ATP9A: variants seen among roughly 807,000 people sequenced by gnomAD.
ATP9A encodes the protein probable phospholipid-transporting ATPase IIA.
A neutral mutation model predicts 144.1 loss-of-function variants in ATP9A; 52 were observed. The ratio of observed to expected loss-of-function variants is 0.36; its 90% confidence interval spans 0.29 to 0.45. The LOEUF (loss-of-function observed/expected upper bound fraction) is 0.45. ATP9A is among the 20% of genes least tolerant of loss of function. The pLI, the probability that ATP9A is intolerant of heterozygous loss-of-function variation, is 1.00. For missense variants in ATP9A, 947 were observed against 1,392.7 expected, an observed-to-expected ratio of 0.68 and a Z score of 5.09; for synonymous variants, 582 against 557.4, an observed-to-expected ratio of 1.04 and a Z score of -0.62.
chr20:51,644,373 T>C (rs2122753983), intron 14 of ATP9A, among the ~76,000 whole-genome samples: 2 of 147,956 alleles, frequency 1.4e-5, no homozygotes, highest in Admixed American at 1.4e-4. Context: ...CCTGGGTTCA[T>C]GCCATTCTCC....
intron 1 of ATP9A, among the ~76,000 whole-genome samples, chr20:51,755,253 T>C (rs2077850814): frequency 6.6e-6 from 1 of 151,548 alleles, no homozygotes; most frequent in South Asian, 2.1e-4. Context: ...CTGACCAACA[T>C]GGTAAAACCC....
chr20:51,746,154 G>T (rs1364033303), intron 1 of ATP9A, among the ~76,000 whole-genome samples: 1 of 152,152 alleles, frequency 6.6e-6, no homozygotes, highest in Non-Finnish European at 1.5e-5. Flanking sequence ...AAGAAGGGAA[G>T]AAGAGACACT....
chr20:51,616,547 G>A (rs2077203634), intron 22 of ATP9A, among the ~76,000 whole-genome samples: 1 of 152,142 alleles, frequency 6.6e-6, no homozygotes, highest in Admixed American at 6.5e-5. Flanking sequence ...TCGAACTCCT[G>A]AGCTCAAGTG....
intron 13 of ATP9A, among the ~76,000 whole-genome samples, chr20:51,662,601 T>C (rs1017484394): frequency 6.6e-6 from 1 of 152,052 alleles, no homozygotes; most frequent in African/African-American, 2.4e-5. Flanking sequence ...TTTATTTTTT[T>C]TTTGGCACCC....
chr20:51,762,755 G>A (rs188455052), intron 1 of ATP9A, among the ~76,000 whole-genome samples: 32 of 142,088 alleles, frequency 2.3e-4, no homozygotes, highest in East Asian at 1.8e-3. Flanking sequence ...TGTTGCCGAG[G>A]CTGGAGTGCA....
intron 13 of ATP9A, among the ~76,000 whole-genome samples, chr20:51,658,316 G>T (rs1601087110): frequency 6.6e-6 from 1 of 152,040 alleles, no homozygotes; most frequent in Non-Finnish European, 1.5e-5. Flanking sequence ...AAAATTAGCT[G>T]GGTGTGGTGG....
intron 13 of ATP9A, among the ~76,000 whole-genome samples, chr20:51,661,816 T>C (rs895410802): frequency 1.3e-5 from 2 of 151,988 alleles, no homozygotes; most frequent in East Asian, 1.9e-4. Context: ...TCCAAATGAA[T>C]CAGCTGAGCC....
At chr20:51,604,773 T>G (rs2077156619) in intron 27 of ATP9A, 44 bp downstream of exon 27, 1 of 1,422,098 alleles carries the variant, frequency 7.0e-7, no homozygotes, top group Non-Finnish European at 9.3e-7. Flanking sequence ...TGGGCCAGAT[T>G]CACTGGGGGT....
rs565312088 is a variant in ATP9A, at chr20:51,596,983, G to A, written c.*4228C>T. 1 of 152,306 alleles carries A rather than the reference G, an allele frequency of 6.6e-6. No individual in the cohort carries two copies. The highest frequency in any genetic ancestry group is 6.5e-5 in the Admixed American group (1 of 15,302). 9.4% of individuals were successfully genotyped at this position (152,306 alleles called of 1,614,324 possible). A position where few individuals can be genotyped will look rare whatever the true frequency, so the allele number is the denominator to read the frequency against. On this transcript the variant is annotated 3_prime_UTR_variant, in exon 28 of 28. Transcript: ENST00000338821. Reference sequence around the variant, plus strand: ...CGCTGTCCTGGTGAAAATTTGCAATGAGGATTACAGAGAGAGAGATCAACC... The same window carrying A: ...CGCTGTCCTGGTGAAAATTTGCAATAAGGATTACAGAGAGAGAGATCAACC...
intron 1 of ATP9A, among the ~76,000 whole-genome samples, chr20:51,735,346 A>T (rs1183365218): frequency 7.8e-6 from 1 of 128,184 alleles, no homozygotes; most frequent in African/African-American, 3.2e-5. Context: ...ATGAGCACAG[A>T]CAATCTCCAC....
intron 7 of ATP9A, among the ~76,000 whole-genome samples, chr20:51,692,393 CA>C (rs1350606402): frequency 1.3e-5 from 2 of 152,220 alleles, no homozygotes; most frequent in African/African-American, 2.4e-5. Flanking sequence ...CAGGCACAGT[CA>C]GGGGGAGCAG....
intron 15 of ATP9A, among the ~76,000 whole-genome samples, chr20:51,634,188 T>C (rs764818898): frequency 6.6e-6 from 1 of 152,182 alleles, no homozygotes; most frequent in Non-Finnish European, 1.5e-5. Flanking sequence ...ATTCACTTCT[T>C]CTAGGATGGC....
chr20:51,637,591 A>C (rs941643582), intron 15 of ATP9A, among the ~76,000 whole-genome samples: 1 of 152,120 alleles, frequency 6.6e-6, no homozygotes, highest in African/African-American at 2.4e-5. Flanking sequence ...GCTGAAGGAG[A>C]AGTTCACAAG....
chr20:51,725,927 C>T lies in ATP9A; in HGVS notation c.219G>A (p.Leu73=). 1 of 1,592,504 alleles carries T rather than the reference C, an allele frequency of 6.3e-7. No individual in the cohort carries two copies. The highest frequency in any genetic ancestry group is 2.2e-5 in the East Asian group (1 of 44,762). ...TGAAAAAGTATTTGAACTGGTTGAA[C>T]AGCACCTGGAATGGAGGGAGACAAC... ...YNFFTFLPGV[L]FNQFKYFFNL... Residue 73 remains leucine, a synonymous_variant, in exon 3 of 28, where the codon CTG becomes CTA. Transcript: ENST00000338821.
At chr20:51,671,748 A>AGCC (rs1461669913) in intron 11 of ATP9A, among the ~76,000 whole-genome samples, 1 of 151,814 alleles carries the variant, frequency 6.6e-6, no homozygotes, top group African/African-American at 2.4e-5. Context: ...CACCAACCCT[A>AGCC]GCCCTGGCAG....
chr20:51,756,539 C>T (rs570958109), intron 1 of ATP9A, among the ~76,000 whole-genome samples: 7 of 152,230 alleles, frequency 4.6e-5, no homozygotes, highest in African/African-American at 1.7e-4. Context: ...GATCCACCTG[C>T]CTCAGCCTCC....
intron 9 of ATP9A, among the ~76,000 whole-genome samples, chr20:51,685,926 T>C (rs1232608035): frequency 1.3e-5 from 2 of 152,202 alleles, no homozygotes; most frequent in Admixed American, 6.5e-5. Context: ...CGTATGTTTA[T>C]TGCGGCACTA....
Position 51,639,369 on chromosome 20 carries a change from T to C in ATP9A, c.1642A>G (p.Ser548Gly). The C allele has an allele frequency of 6.2e-7, 1 of 1,613,888 alleles. No homozygotes were observed. The highest frequency in any genetic ancestry group is 1.1e-5 in the South Asian group (1 of 91,030). Reference sequence around the variant, plus strand: ...CGCACGATGATGCCCATACGTTTGCTTTCATAGGTGAAAGGGAAGATCTGT... The same window carrying C: ...CGCACGATGATGCCCATACGTTTGCCTTCATAGGTGAAAGGGAAGATCTGT... ...ILQIFPFTYE[S>G]KRMGIIVRDE... is the part of the protein sequence containing the mutation. Residue 548 changes from serine to glycine, a missense_variant, in exon 15 of 28, where the codon AGC becomes GGC. Physicochemically the swap from Ser to Gly is moderately conservative, Grantham distance 56. Transcript: ENST00000338821.
chr20:51,651,165 T>TACACACAC lies in ATP9A; in HGVS notation c.1506+5765_1506+5772dup, dbSNP rs140658156. ...CTCTCTCTCTCTCCATATATATATA[T>TACACACAC]ACACACACACACACAAAGTAAATAT... On this transcript the variant is annotated intron_variant, in intron 14 of 27. Coordinates refer to ENST00000338821, the MANE Select transcript of ATP9A (RefSeq NM_006045.3). Among the ~76,000 whole-genome samples the TACACACAC allele has an allele frequency of 1.9e-4, 26 of 140,284 alleles. 3 individuals carry two copies. The highest frequency in any genetic ancestry group is 7.0e-4 in the African/African-American group (26 of 37,270). 92.0% of individuals were successfully genotyped at this position (140,284 alleles called of 152,430 possible).
Sources: allele counts gnomAD v4.1 joint callset (sites outside exome capture counted in the v4.1 genomes callset), GRCh38; gene constraint gnomAD v4.1.1; transcripts MANE v1.5; gene names NCBI Gene and HGNC (gene_info 2026-07-23, HGNC 2026-07-21).